Variants in PPP2R2B observed in about 807,000 individuals in gnomAD.
The protein encoded by PPP2R2B is serine/threonine-protein phosphatase 2A 55 kDa regulatory subunit B beta isoform.
PPP2R2B carries 5 observed loss-of-function variants against 46.0 expected under a neutral mutation model. That is an observed-to-expected ratio of 0.11 (90% CI 0.06 to 0.23). PPP2R2B has a LOEUF of 0.23. Ranked by LOEUF, PPP2R2B falls within the 10% of genes least tolerant of loss-of-function variation. The pLI is 1.00. For missense variants in PPP2R2B, 367 were observed against 575.0 expected (o/e 0.64, Z 3.70); for synonymous variants, 215 against 206.7 (o/e 1.04, Z -0.34).
At chr5:147,001,326 C>T (rs572865020) in intron 1 of PPP2R2B, among the ~76,000 whole-genome samples, 136 of 152,300 alleles carry the variant, frequency 8.9e-4, no homozygotes, top group Admixed American at 7.1e-3. Context: ...CTGTAACACT[C>T]ACTGTGAAGG....
intron 2 of PPP2R2B, among the ~76,000 whole-genome samples, chr5:146,835,775 T>C (rs1582226286): frequency 6.6e-6 from 1 of 152,152 alleles, no homozygotes; most frequent in East Asian, 1.9e-4. Context: ...AGTCATCATT[T>C]GTAAATAAGG....
chr5:146,961,805 G>A (rs75827361), intron 1 of PPP2R2B, among the ~76,000 whole-genome samples: 281 of 152,158 alleles, frequency 1.8e-3, no homozygotes, highest in Non-Finnish European at 3.3e-3. Flanking sequence ...GTCCCCCATG[G>A]AGGAGATTTT....
intron 2 of PPP2R2B, among the ~76,000 whole-genome samples, chr5:146,811,380 C>G (rs1757534258): frequency 6.6e-6 from 1 of 152,062 alleles, no homozygotes; most frequent in South Asian, 2.1e-4. Flanking sequence ...TTTTGGAAAA[C>G]CTTGTCCCAC....
chr5:146,925,110 C>A (rs907716504), intron 1 of PPP2R2B, among the ~76,000 whole-genome samples: 2 of 152,172 alleles, frequency 1.3e-5, no homozygotes, highest in African/African-American at 4.8e-5. Flanking sequence ...ATACATGTTA[C>A]AAACCCAACA....
At chr5:146,967,388 A>C (rs902013200) in intron 1 of PPP2R2B, among the ~76,000 whole-genome samples, 29 of 152,226 alleles carry the variant, frequency 1.9e-4, no homozygotes, top group Admixed American at 1.9e-3. Context: ...CAGGGTTCAA[A>C]TGATCTCATT....
intron 4 of PPP2R2B, 63 bp from the exon 5 acceptor site, chr5:146,691,303 C>A: frequency 7.2e-7 from 1 of 1,396,470 alleles, no homozygotes; most frequent in South Asian, 1.2e-5. Context: ...AGGGAGTTTT[C>A]CTGGGGGCAA....
intron 2 of PPP2R2B, among the ~76,000 whole-genome samples, chr5:146,799,530 C>T (rs192210219): frequency 6.6e-6 from 1 of 152,236 alleles, no homozygotes; most frequent in Non-Finnish European, 1.5e-5. Flanking sequence ...TGGCATGGTG[C>T]CAATCTAGCC....
chr5:146,992,935 C>A (rs1292783381), intron 1 of PPP2R2B, among the ~76,000 whole-genome samples: 1 of 152,064 alleles, frequency 6.6e-6, no homozygotes, highest in Admixed American at 6.6e-5. Context: ...GATGAAAAAT[C>A]TTTTTTATTT....
intron 2 of PPP2R2B, among the ~76,000 whole-genome samples, chr5:146,856,055 T>G (rs1057426987): frequency 6.6e-6 from 1 of 152,200 alleles, no homozygotes; most frequent in Admixed American, 6.5e-5. Flanking sequence ...CATATTGTCT[T>G]TCTTTGCCTC....
At chr5:147,039,215 C>T (rs902047457) in intron 1 of PPP2R2B, among the ~76,000 whole-genome samples, 1 of 152,138 alleles carries the variant, frequency 6.6e-6, no homozygotes, top group Non-Finnish European at 1.5e-5. Context: ...GCCCATCACC[C>T]CTCAGTCACT....
chr5:146,995,113 A>G (rs1262315291), intron 1 of PPP2R2B, among the ~76,000 whole-genome samples: 1 of 152,180 alleles, frequency 6.6e-6, no homozygotes, highest in Non-Finnish European at 1.5e-5. Flanking sequence ...AATAATCTCC[A>G]TCTTCATCTG....
At chr5:146,693,081 T>G (rs1273618574) in intron 4 of PPP2R2B, among the ~76,000 whole-genome samples, 1 of 152,148 alleles carries the variant, frequency 6.6e-6, no homozygotes, top group Non-Finnish European at 1.5e-5. Context: ...GGACGGGGAT[T>G]CCCACTCAGT....
chr5:146,988,975 T>A (rs146428129), intron 1 of PPP2R2B, among the ~76,000 whole-genome samples: 1 of 151,980 alleles, frequency 6.6e-6, no homozygotes, highest in Non-Finnish European at 1.5e-5. Context: ...TATGAACAAC[T>A]ACACGTAAAT....
intron 1 of PPP2R2B, among the ~76,000 whole-genome samples, chr5:147,050,632 G>A (rs559435438): frequency 7.9e-5 from 12 of 151,452 alleles, no homozygotes; most frequent in Admixed American, 2.6e-4. Flanking sequence ...TGGATAAAAT[G>A]AGGATAACAG....
intron 1 of PPP2R2B, among the ~76,000 whole-genome samples, chr5:146,946,130 G>A (rs565270038): frequency 2.6e-5 from 4 of 152,068 alleles, no homozygotes; most frequent in South Asian, 2.1e-4. Flanking sequence ...CCCTTTTAAC[G>A]CTGTAGCCGC....
At chr5:146,742,440 C>T (rs1752934897) in intron 2 of PPP2R2B, among the ~76,000 whole-genome samples, 1 of 152,118 alleles carries the variant, frequency 6.6e-6, no homozygotes, top group Admixed American at 6.6e-5. Flanking sequence ...TTACCTGAAA[C>T]ATTAATGTCT....
intron 2 of PPP2R2B, among the ~76,000 whole-genome samples, chr5:146,818,173 TCAA>T (rs1758042819): frequency 6.6e-6 from 1 of 152,158 alleles, no homozygotes; most frequent in Non-Finnish European, 1.5e-5. Context: ...GACTATTTGA[TCAA>T]AGTACGTCTT....
At chr5:146,863,025 T>C (rs1204129370) in intron 2 of PPP2R2B, among the ~76,000 whole-genome samples, 1 of 151,698 alleles carries the variant, frequency 6.6e-6, no homozygotes, top group Non-Finnish European at 1.5e-5. Flanking sequence ...ATAATCAGAC[T>C]GCTTTTGCTT....
At chr5:146,959,480 A>T (rs1752072933) in intron 1 of PPP2R2B, among the ~76,000 whole-genome samples, 1 of 152,092 alleles carries the variant, frequency 6.6e-6, no homozygotes, top group Non-Finnish European at 1.5e-5. Context: ...CTTTATCTCC[A>T]CCCAGTACCT....
Sources: allele counts gnomAD v4.1 joint callset (sites outside exome capture counted in the v4.1 genomes callset), GRCh38; gene constraint gnomAD v4.1.1; transcripts MANE v1.5; gene names NCBI Gene and HGNC (gene_info 2026-07-23, HGNC 2026-07-21).